Variants in PLXNA4 observed in about 807,000 individuals in gnomAD.
PLXNA4 encodes the protein plexin A4, also known as plexin-A4.
Under a neutral mutation model 191.8 loss-of-function variants are expected in PLXNA4, and 44 were observed. The observed-to-expected ratio is 0.23, with a 90% CI of 0.18 to 0.29. The LOEUF (loss-of-function observed/expected upper bound fraction) is 0.29. PLXNA4 is among the 10% of genes least tolerant of loss of function. The pLI is 1.00. For missense variants in PLXNA4, 1,800 were observed against 2,488.8 expected (o/e 0.72, Z 5.89); for synonymous variants, 1,082 against 1,009.5 (o/e 1.07, Z -1.36).
intron 1 of PLXNA4, among the ~76,000 whole-genome samples, chr7:132,555,057 C>CAAACAAAAAAAAAAACA (rs1800737366): frequency 7.6e-6 from 1 of 131,960 alleles, no homozygotes; most frequent in African/African-American, 3.3e-5. Flanking sequence ...AAAAAAAAAA[C>CAAACAAAAAAAAAAACA]AAAAAAAAAA....
intron 2 of PLXNA4, among the ~76,000 whole-genome samples, chr7:132,599,592 T>C (rs931427763): frequency 1.3e-5 from 2 of 152,192 alleles, no homozygotes; most frequent in African/African-American, 4.8e-5. Context: ...TTTATTCTAG[T>C]AGTTTGTCTT....
intron 30 of PLXNA4, among the ~76,000 whole-genome samples, chr7:132,135,615 G>T (rs1795089084): frequency 1.3e-5 from 2 of 152,196 alleles, no homozygotes; most frequent in Non-Finnish European, 2.9e-5. Context: ...CCTCATGGTA[G>T]CACACTAAAA....
At chr7:132,572,654 C>T (rs1432556645) in intron 1 of PLXNA4, among the ~76,000 whole-genome samples, 1 of 152,194 alleles carries the variant, frequency 6.6e-6, no homozygotes, top group Non-Finnish European at 1.5e-5. Flanking sequence ...GCAGCAGAGC[C>T]CCCTTCAGTC....
At chr7:132,232,067 C>T (rs965050508) in intron 5 of PLXNA4, among the ~76,000 whole-genome samples, 5 of 152,150 alleles carry the variant, frequency 3.3e-5, no homozygotes, top group Admixed American at 6.5e-5. Flanking sequence ...AGGCGAGGCA[C>T]GAATTCCTGC....
intron 4 of PLXNA4, among the ~76,000 whole-genome samples, chr7:132,259,482 G>GAAAAAAAAAAAAAAAAAAAAAAAA: frequency 9.0e-6 from 1 of 111,364 alleles, no homozygotes; most frequent in Non-Finnish European, 1.8e-5. Flanking sequence ...AAGAAAAAAG[G>GAAAAAAAAAAAAAAAAAAAAAAAA]AAAAAAGAAA....
At chr7:132,406,711 TACGACTC>T (rs1794235215) in intron 3 of PLXNA4, among the ~76,000 whole-genome samples, 1 of 152,184 alleles carries the variant, frequency 6.6e-6, no homozygotes, top group African/African-American at 2.4e-5. Context: ...CAGGGGCATT[TACGACTC>T]ACCTGGAACC....
chr7:132,217,030 CA>C (rs1451981640), intron 9 of PLXNA4, among the ~76,000 whole-genome samples: 2 of 152,194 alleles, frequency 1.3e-5, no homozygotes, highest in Admixed American at 6.5e-5. Context: ...TCTAAGAATG[CA>C]GGGGGGTGAG....
intron 3 of PLXNA4, among the ~76,000 whole-genome samples, chr7:132,426,547 C>T (rs1185511299): frequency 1.3e-5 from 2 of 152,178 alleles, no homozygotes; most frequent in African/African-American, 4.8e-5. Flanking sequence ...GGCCCAGAAA[C>T]ACTGAGGCAA....
At chr7:132,545,703 A>G (rs1174254433) in intron 1 of PLXNA4, among the ~76,000 whole-genome samples, 2 of 150,206 alleles carry the variant, frequency 1.3e-5, no homozygotes, top group Admixed American at 6.6e-5. Context: ...GCAGGAAAAG[A>G]AAAAAAAAAT....
chr7:132,533,285 T>C (rs769744668), intron 1 of PLXNA4, among the ~76,000 whole-genome samples: 2 of 152,192 alleles, frequency 1.3e-5, no homozygotes, highest in Non-Finnish European at 2.9e-5. Flanking sequence ...TTACCTTAAA[T>C]TGCTTCCTAG....
chr7:132,244,277 A>G (rs188505803), intron 4 of PLXNA4, among the ~76,000 whole-genome samples: 90 of 152,252 alleles, frequency 5.9e-4, no homozygotes, highest in African/African-American at 2.1e-3. Flanking sequence ...GCTCCTTGTT[A>G]ATGCTCTGAC....
chr7:132,491,681 C>T (rs1017037634), intron 2 of PLXNA4, among the ~76,000 whole-genome samples: 4 of 151,988 alleles, frequency 2.6e-5, no homozygotes, highest in Non-Finnish European at 5.9e-5. Context: ...TGACTCATGC[C>T]TGTAATCCCG....
intron 3 of PLXNA4, among the ~76,000 whole-genome samples, chr7:132,404,872 G>A (rs559841617): frequency 1.5e-3 from 231 of 152,200 alleles, no homozygotes; most frequent in Non-Finnish European, 3.0e-3. Context: ...GTGGAAAGAC[G>A]AAGCTTCAGG....
intron 1 of PLXNA4, among the ~76,000 whole-genome samples, chr7:132,540,449 C>A (rs1800021368): frequency 6.6e-6 from 1 of 152,122 alleles, no homozygotes. Flanking sequence ...ATCTCCAGCT[C>A]CGTGGGCCCA....
intron 3 of PLXNA4, among the ~76,000 whole-genome samples, chr7:132,375,682 T>C (rs1804632690): frequency 6.6e-6 from 1 of 151,790 alleles, no homozygotes; most frequent in Non-Finnish European, 1.5e-5. Flanking sequence ...GAAGGACAGA[T>C]CAAAAAAGGC....
intron 4 of PLXNA4, among the ~76,000 whole-genome samples, chr7:132,292,125 TCAA>T (rs1460210322): frequency 1.3e-5 from 2 of 152,026 alleles, no homozygotes; most frequent in Non-Finnish European, 2.9e-5. Context: ...CAGTGGGGAG[TCAA>T]AGTTAGTTGA....
intron 1 of PLXNA4, among the ~76,000 whole-genome samples, chr7:132,531,852 T>C (rs953365961): frequency 3.4e-4 from 52 of 152,150 alleles, no homozygotes; most frequent in Admixed American, 2.9e-3. Flanking sequence ...GCTTGGTAAT[T>C]TGCATTCTTA....
In PLXNA4 at chr7:132,297,189, C is replaced by T. The variant is rs115551149; in HGVS notation, c.1503+902G>A. 4.7e-3 allele frequency among the ~76,000 whole-genome samples: 713 copies of T among 152,216 alleles called. 8 individuals are homozygous for T. Among genetic ancestry groups the T allele is most frequent in the African/African-American group, 0.016 (679 of 41,544 alleles). The stretch of plus-strand genomic sequence containing the variant: ...GATGAAAAAGAGGGGAGATCTGCCC[C>T]TCATGGCCGCTGCTGCCACTCAGAG... On this transcript the variant is annotated intron_variant, in intron 4 of 31. Coordinates refer to ENST00000321063, the MANE Select transcript of PLXNA4 (RefSeq NM_020911.2).
chr7:132,532,409 C>T (rs148293126), intron 1 of PLXNA4, among the ~76,000 whole-genome samples: 5 of 152,118 alleles, frequency 3.3e-5, no homozygotes, highest in Non-Finnish European at 5.9e-5. Context: ...GGTACAAATG[C>T]GTTGATGCAG....
Sources: allele counts gnomAD v4.1 joint callset (sites outside exome capture counted in the v4.1 genomes callset), GRCh38; gene constraint gnomAD v4.1.1; transcripts MANE v1.5; gene names NCBI Gene and HGNC (gene_info 2026-07-23, HGNC 2026-07-21).